The following OR7E24 variants were observed in gnomAD, a reference collection of about 807,000 sequenced individuals.
OR7E24 encodes the protein olfactory receptor family 7 subfamily E member 24, also known as olfactory receptor 7E24.
For missense variants in OR7E24, 385 were observed against 410.3 expected (o/e 0.94, Z 0.53); for synonymous variants, 130 against 157.5 (o/e 0.83, Z 1.31).
chr19:9,225,103 G>C, the OR7E24 span, among the ~76,000 whole-genome samples: 1 of 152,040 alleles, frequency 6.6e-6, no homozygotes, highest in Non-Finnish European at 1.5e-5. Context: ...GGTCGGGTGC[G>C]GTGGCCCATG....
At chr19:9,226,878 C>A in the OR7E24 span, among the ~76,000 whole-genome samples, 2 of 152,162 alleles carry the variant, frequency 1.3e-5, no homozygotes, top group Non-Finnish European at 2.9e-5. Context: ...GACCCTTCTA[C>A]TTTCCACCCT....
At chr19:9,235,960 A>T in the OR7E24 span, 1 of 1,611,350 alleles carries the variant, frequency 6.2e-7, no homozygotes, top group African/African-American at 1.3e-5. Flanking sequence ...GAGCAGCTCC[A>T]TGGCCTCAGT....
the OR7E24 span, among the ~76,000 whole-genome samples, chr19:9,220,175 C>A: frequency 1.3e-5 from 2 of 152,166 alleles, no homozygotes; most frequent in Non-Finnish European, 2.9e-5. Context: ...CTCACAGAGT[C>A]GTTATCCTGG....
chr19:9,227,817 G>C, the OR7E24 span, among the ~76,000 whole-genome samples: 4 of 146,180 alleles, frequency 2.7e-5, no homozygotes, highest in Non-Finnish European at 6.0e-5. Flanking sequence ...GCAGTGGCGG[G>C]ATCTCGGCTC....
At chr19:9,211,723 A>G in the OR7E24 span, 2 of 147,216 alleles carry the variant, frequency 1.4e-5, no homozygotes, top group Admixed American at 1.4e-4. Context: ...GTGCGCCTGT[A>G]ATCCCAGCGC....
chr19:9,234,463 AT>A, the OR7E24 span, among the ~76,000 whole-genome samples: 11 of 152,324 alleles, frequency 7.2e-5, no homozygotes, highest in African/African-American at 2.4e-4. Context: ...AAAGAAAAAA[AT>A]AAACGTACAC....
chr19:9,215,289 G>A, the OR7E24 span, among the ~76,000 whole-genome samples: 1 of 135,156 alleles, frequency 7.4e-6, no homozygotes, highest in Non-Finnish European at 1.5e-5. Flanking sequence ...GTTGCAGTGA[G>A]CCAAGATCAT....
At chr19:9,231,569 G>A in the OR7E24 span, among the ~76,000 whole-genome samples, 2 of 143,562 alleles carry the variant, frequency 1.4e-5, no homozygotes, top group African/African-American at 2.7e-5. Context: ...AATAGAGCAA[G>A]ACTCTGTCTC....
the OR7E24 span, among the ~76,000 whole-genome samples, chr19:9,227,755 T>C: frequency 2.1e-5 from 3 of 140,982 alleles, no homozygotes; most frequent in South Asian, 2.3e-4. Flanking sequence ...ATTTCTTTTT[T>C]TTTTTTTTTT....
chr19:9,241,519 A>C, the OR7E24 span, among the ~76,000 whole-genome samples: 4 of 152,036 alleles, frequency 2.6e-5, no homozygotes, highest in Non-Finnish European at 5.9e-5. Flanking sequence ...TAATCCCAGC[A>C]CTTTGGGGGC....
At chr19:9,215,930 A>C in the OR7E24 span, among the ~76,000 whole-genome samples, 1 of 152,158 alleles carries the variant, frequency 6.6e-6, no homozygotes, top group African/African-American at 2.4e-5. Flanking sequence ...AAAGATGTTT[A>C]ATGGACTTAC....
chr19:9,251,444 G>C lies in OR7E24; in HGVS notation c.401G>C (p.Ser134Thr), dbSNP rs201058180. Residue 134 changes from serine (S) to threonine (T), a missense_variant, in exon 1 of 1, where the codon AGT (serine) becomes ACT (threonine). Coordinates refer to ENST00000456448, the MANE Select transcript of OR7E24 (RefSeq NM_001079935.2). ...GCATGTATGGATGACATGCTCCTGAGTGTGATGGCCTATGACCGGTTTGTG... is the reference window on the plus strand; with the variant it reads ...GCATGTATGGATGACATGCTCCTGACTGTGATGGCCTATGACCGGTTTGTG... ...LFACMDDMLL[S>T]VMAYDRFVAI... The C allele has an allele frequency of 7.8e-4, 1,258 of 1,614,142 alleles. 1 individual carries two copies. Among genetic ancestry groups the C allele is most frequent in the Non-Finnish European group, 1.0e-3 (1,177 of 1,180,026 alleles).
chr19:9,232,538 CAAAAAAA>C, the OR7E24 span, among the ~76,000 whole-genome samples: 3 of 62,554 alleles, frequency 4.8e-5, no homozygotes, highest in Non-Finnish European at 6.7e-5. Context: ...AACTCCGTCG[CAAAAAAA>C]AAAAAAAAAA....
the OR7E24 span, among the ~76,000 whole-genome samples, chr19:9,237,486 ATT>A: frequency 6.9e-6 from 1 of 145,020 alleles, no homozygotes. Context: ...AATTTTTTGT[ATT>A]TTTTTTTTAG....
At chr19:9,241,470 A>C in the OR7E24 span, among the ~76,000 whole-genome samples, 1 of 152,216 alleles carries the variant, frequency 6.6e-6, no homozygotes, top group Non-Finnish European at 1.5e-5. Flanking sequence ...ATGTGAATTT[A>C]AATATCCCGG....
chr19:9,248,677 C>G (rs1470089020), upstream of OR7E24, among the ~76,000 whole-genome samples: 1 of 152,240 alleles, frequency 6.6e-6, no homozygotes, highest in East Asian at 1.9e-4. Context: ...CAGGGCGCAT[C>G]TCTCCCTTGC....
chr19:9,240,969 C>T, the OR7E24 span, among the ~76,000 whole-genome samples: 9 of 152,038 alleles, frequency 5.9e-5, no homozygotes, highest in African/African-American at 2.2e-4. Context: ...AGGTGCCCGC[C>T]ACCACGCCTG....
the OR7E24 span, among the ~76,000 whole-genome samples, chr19:9,241,977 T>C: frequency 9.2e-5 from 14 of 152,192 alleles, no homozygotes; most frequent in African/African-American, 3.4e-4. Flanking sequence ...CCATCTTTGG[T>C]CCATTTTCTT....
chr19:9,226,262 A>G, the OR7E24 span, among the ~76,000 whole-genome samples: 1 of 152,174 alleles, frequency 6.6e-6, no homozygotes, highest in African/African-American at 2.4e-5. Flanking sequence ...GGCCATTTTT[A>G]TACTTTCTGC....
Sources: gnomAD v4.1 joint callset for allele counts (sites outside exome capture counted in the v4.1 genomes callset) on GRCh38, gnomAD v4.1.1 for gene constraint, MANE v1.5 for transcripts, NCBI Gene and HGNC (gene_info 2026-07-23, HGNC 2026-07-21) for gene names.